Variants in ASMTL observed in about 807,000 individuals in gnomAD.
ASMTL encodes probable bifunctional dTTP/UTP pyrophosphatase/methyltransferase protein.
ASMTL carries 57 observed loss-of-function variants against 60.3 expected under a neutral mutation model. That is an observed-to-expected ratio of 0.95 (90% CI 0.76 to 1.18). The LOEUF is 1.18. Among genes scored for constraint, ASMTL ranks in the 50% most tolerant of loss-of-function variants. The pLI is 0.00. For synonymous variants in ASMTL, 419 were observed against 373.0 expected, an observed-to-expected ratio of 1.12 and a Z score of -1.42; for missense variants, 981 against 852.6, an observed-to-expected ratio of 1.15 and a Z score of -1.88.
chrX:1,449,766 T>C (rs1313473309), intron 1 of ASMTL, among the ~76,000 whole-genome samples: 1 of 108,292 alleles, frequency 9.2e-6, no homozygotes, highest in Non-Finnish European at 1.7e-5. Context: ...CTATGCCCCA[T>C]CATCACCAGT....
upstream of ASMTL, chrX:1,453,685 A>G (rs1264048895): frequency 7.7e-6 from 1 of 129,938 alleles, no homozygotes; most frequent in Admixed American, 7.9e-5. Context: ...AGGTAGAGAT[A>G]GGGGGTTCCC....
chrX:1,407,111 AGATGGATG>A (rs1170161411), intron 12 of ASMTL, among the ~76,000 whole-genome samples: 2 of 144,790 alleles, frequency 1.4e-5, no homozygotes, highest in Non-Finnish European at 1.5e-5. Context: ...GATGATGGGT[AGATGGATG>A]GATGGATGGG....
At chrX:1,419,495 G>A (rs1448868329) in intron 9 of ASMTL, among the ~76,000 whole-genome samples, 13 of 152,088 alleles carry the variant, frequency 8.5e-5, no homozygotes, top group African/African-American at 3.1e-4. Context: ...CTCTGCAGGT[G>A]CCCCGGCTCA....
intron 11 of ASMTL, among the ~76,000 whole-genome samples, chrX:1,414,690 A>G (rs1209888171): frequency 1.5e-4 from 23 of 152,290 alleles, no homozygotes; most frequent in African/African-American, 5.1e-4. Flanking sequence ...CCTGGGTGAC[A>G]GAGCGAGACA....
intron 1 of ASMTL, among the ~76,000 whole-genome samples, chrX:1,443,370 CCACCA>C (rs2091158958): frequency 2.2e-5 from 1 of 44,582 alleles, no homozygotes; most frequent in Non-Finnish European, 7.3e-5. Context: ...TGGACACACA[CCACCA>C]TCATGGACAC....
rs761012385 is a variant in ASMTL, at chrX:1,433,520, A to T, written c.401-1143T>A. Among the ~76,000 whole-genome samples the T allele has an allele frequency of 4.0e-4, 60 of 150,384 alleles. 1 individual carries two copies. Among genetic ancestry groups the T allele is most frequent in the African/African-American group, 1.4e-3 (58 of 41,198 alleles). ...CTCTACTAAAAAAAAAAAAAAAAAA[A>T]AAATAGAAAAAATTAGCCGGGCGTG... On this transcript the variant is annotated intron_variant, in intron 5 of 12. Coordinates refer to ENST00000381317, the MANE Select transcript of ASMTL (RefSeq NM_004192.4).
In ASMTL at chrX:1,403,271, AG is replaced by A. The variant is rs2089661604; in HGVS notation, c.1863del (p.Ter622GlufsTer9). ...LDAILATKVA[P>X] Reference sequence around the variant, plus strand: ...ATAATGAACATGCTGCCTGGGCTTCAGGGGGCCACTTTGGTGGCCAAGATGG... The same window carrying A: ...ATAATGAACATGCTGCCTGGGCTTCAGGGGCCACTTTGGTGGCCAAGATGG... On this transcript the variant is annotated frameshift_variant, in exon 13 of 13. Transcript: ENST00000381317. LOFTEE classifies it high-confidence loss of function. 5 of 1,249,802 alleles carry A rather than the reference AG, an allele frequency of 4.0e-6. No individual in the cohort carries two copies. The highest frequency in any genetic ancestry group is 2.3e-5 in the Admixed American group (1 of 42,988). The allele number at this position is 1,249,802 out of a possible 1,614,324, so 77.4% of individuals were successfully genotyped here.
In ASMTL at chrX:1,432,142, C is replaced by A. The variant is rs753995381; in HGVS notation, c.509+127G>T. 1.3e-5 allele frequency: 10 copies of A among 749,992 alleles called. No individual in the cohort carries two copies. In the East Asian group the frequency reaches 2.7e-4, roughly 20 times the overall value. The allele number at this position is 749,992 out of a possible 1,614,324, so 46.5% of individuals were successfully genotyped here. ...TTGTGCTTCTGAGCCGGGCGGCTCT[C>A]CCTGTGCCACACGGCCCCCGGAGCG... On this transcript the variant is annotated intron_variant, in intron 6 of 12. Coordinates refer to ENST00000381317, the MANE Select transcript of ASMTL (RefSeq NM_004192.4).
rs182493098 is a variant in ASMTL at position 1,444,609 on chromosome X, A to G, written c.94-2292T>C. Reference sequence around the variant, plus strand: ...GAGGCCCTTTTGCAACCCAGGATGCAGTGGGCAGGGGCAGCCTGTCCCGGG... The same window carrying G: ...GAGGCCCTTTTGCAACCCAGGATGCGGTGGGCAGGGGCAGCCTGTCCCGGG... On this transcript the variant is annotated intron_variant, in intron 1 of 12. Coordinates refer to ENST00000381317, the MANE Select transcript of ASMTL (RefSeq NM_004192.4). Among the ~76,000 whole-genome samples, 97 of 152,216 alleles carry G rather than the reference A, an allele frequency of 6.4e-4. 3 individuals carry two copies. In the East Asian group the frequency reaches 0.018, roughly 29 times the overall value.
chrX:1,416,466 G>C (rs117751729), intron 11 of ASMTL, among the ~76,000 whole-genome samples: 9,010 of 86,608 alleles, frequency 0.1, 589 homozygotes, highest in Middle Eastern at 0.31. Context: ...TGGACACGCA[G>C]ACACACATGG....
intron 6 of ASMTL, among the ~76,000 whole-genome samples, chrX:1,428,615 C>G (rs1345577988): frequency 2.1e-5 from 2 of 94,274 alleles, no homozygotes; most frequent in African/African-American, 7.1e-5. Context: ...CCACTGCACT[C>G]CAGCCTGGGC....
intron 12 of ASMTL, among the ~76,000 whole-genome samples, chrX:1,405,700 GATGA>G (rs1233083872): frequency 7.2e-5 from 11 of 151,752 alleles, no homozygotes; most frequent in African/African-American, 2.2e-4. Context: ...CAGGTAGATA[GATGA>G]ATGGATGGAT....
At chrX:1,452,213 T>TG (rs1420069270) in intron 1 of ASMTL, among the ~76,000 whole-genome samples, 2 of 134,882 alleles carry the variant, frequency 1.5e-5, no homozygotes, top group African/African-American at 2.8e-5. Context: ...TCCCCATGCC[T>TG]GGGGGTCCCG....
chrX:1,450,273 A>G (rs143631347), intron 1 of ASMTL, among the ~76,000 whole-genome samples: 2,002 of 151,980 alleles, frequency 0.013, 35 homozygotes, highest in African/African-American at 0.045. Context: ...TAGGCGTCCT[A>G]CCACCCGGAA....
At chrX:1,417,360 C>T (rs2090326542) in intron 11 of ASMTL, among the ~76,000 whole-genome samples, 1 of 151,896 alleles carries the variant, frequency 6.6e-6, no homozygotes, top group Admixed American at 6.6e-5. Flanking sequence ...CACACATCAC[C>T]TCACAGAAAC....
In ASMTL at chrX:1,421,842, C is replaced by A. The variant is rs371324121; in HGVS notation, c.1061G>T (p.Gly354Val). ...AMGLLEKTEQ[G>V]YSNTETANVY... is the part of the protein sequence containing the mutation. ...GTTCGCTGTCTCTGTGTTACTGTAA[C>A]CTGGAGAAATGGGGACAGTCGTGTG... Residue 354 changes from glycine to valine, a missense_variant and splice_region_variant, in exon 9 of 13, where the codon GGT (glycine) becomes GTT (valine). Gly to Val is a moderately radical substitution (Grantham distance 109). Transcript: ENST00000381317. The A allele has an allele frequency of 2.5e-6, 4 of 1,613,726 alleles. No individual in the cohort carries two copies. Among genetic ancestry groups the A allele is most frequent in the East Asian group, 4.5e-5 (2 of 44,878 alleles).
intron 6 of ASMTL, 67 bp downstream of exon 6, chrX:1,432,202 C>G (rs1437864963): frequency 7.5e-7 from 1 of 1,328,186 alleles, no homozygotes; most frequent in African/African-American, 1.4e-5. Flanking sequence ...GGGTGGGACA[C>G]CCCACGTGTG....
At chrX:1,412,710 T>C (rs772122544) in intron 12 of ASMTL, 22 bp downstream of exon 12, 2 of 1,613,936 alleles carry the variant, frequency 1.2e-6, no homozygotes, top group South Asian at 1.1e-5. Flanking sequence ...CAAAAACAGC[T>C]AACCTGACGA....
At chrX:1,450,710 C>A (rs2091345419) in intron 1 of ASMTL, among the ~76,000 whole-genome samples, 1 of 147,006 alleles carries the variant, frequency 6.8e-6, no homozygotes, top group African/African-American at 2.5e-5. Context: ...CACTCCCCAA[C>A]CCCATCCCTA....
Sources: allele counts gnomAD v4.1 joint callset (sites outside exome capture counted in the v4.1 genomes callset), GRCh38; gene constraint gnomAD v4.1.1; transcripts MANE v1.5; gene names NCBI Gene and HGNC (gene_info 2026-07-23, HGNC 2026-07-21).